The following HACE1 variants were observed in gnomAD, a reference collection of about 807,000 sequenced individuals.
HACE1 encodes the protein HECT domain and ankyrin repeat containing E3 ubiquitin protein ligase 1.
HACE1 carries 73 observed loss-of-function variants against 118.4 expected under a neutral mutation model. That is an observed-to-expected ratio of 0.62 (90% CI 0.51 to 0.75). The LOEUF is 0.75. Ranked by LOEUF, HACE1 falls within the 30% of genes least tolerant of loss-of-function variation. HACE1 has a pLI of 0.00. For missense variants in HACE1, 749 were observed against 1,102.2 expected (o/e 0.68, Z 4.54); for synonymous variants, 368 against 374.8 (o/e 0.98, Z 0.21).
chr6:104,838,696 T>TAAGTAA (rs1420814125), intron 5 of HACE1, among the ~76,000 whole-genome samples: 1 of 151,872 alleles, frequency 6.6e-6, no homozygotes, highest in African/African-American at 2.4e-5. Flanking sequence ...AATTTGCTTT[T>TAAGTAA]AAGTAAAAGC....
intron 22 of HACE1, among the ~76,000 whole-genome samples, chr6:104,735,460 G>A (rs1050861761): frequency 2.6e-5 from 4 of 152,024 alleles, no homozygotes; most frequent in South Asian, 2.1e-4. Context: ...GTGAAACCCC[G>A]CCTCTACTAA....
chr6:104,781,494 T>C (rs1025557220), intron 14 of HACE1, among the ~76,000 whole-genome samples: 5 of 152,224 alleles, frequency 3.3e-5, no homozygotes, highest in African/African-American at 9.6e-5. Context: ...CATGTATCTA[T>C]GTAAATTTAA....
At chr6:104,795,793 T>C in intron 9 of HACE1, 108 bp from the exon 10 acceptor site, 3 of 691,808 alleles carry the variant, frequency 4.3e-6, no homozygotes, top group Non-Finnish European at 7.7e-6. Context: ...CTAAATCAAG[T>C]CCTTTAGTTA....
intron 1 of HACE1, among the ~76,000 whole-genome samples, chr6:104,855,324 T>G (rs544738827): frequency 1.3e-5 from 2 of 152,206 alleles, no homozygotes; most frequent in Non-Finnish European, 2.9e-5. Context: ...GCACCTGTAG[T>G]TCCAGCTACT....
chr6:104,740,594 C>T (rs2114474559), intron 22 of HACE1, among the ~76,000 whole-genome samples: 1 of 151,648 alleles, frequency 6.6e-6, no homozygotes, highest in African/African-American at 2.4e-5. Context: ...CATACACTCT[C>T]CCAAGACTAA....
At chr6:104,737,054 C>G (rs961626888) in intron 22 of HACE1, among the ~76,000 whole-genome samples, 1 of 151,424 alleles carries the variant, frequency 6.6e-6, no homozygotes, top group East Asian at 1.9e-4. Context: ...GAGGCCGAGG[C>G]GGGTGGATCA....
chr6:104,776,808 C>T lies in HACE1; in HGVS notation c.1797G>A (p.Glu599=). The T allele has an allele frequency of 6.2e-7, 1 of 1,607,836 alleles. No individual in the cohort carries two copies. Among genetic ancestry groups the T allele is most frequent in the East Asian group, 2.2e-5 (1 of 44,830 alleles). ...TCTCATTGGACAGAATATCAAACCA[C>T]TCACGCACAACACCTTGACCCTGAA... The part of the protein sequence containing the change: ...EEGMGQGVVR[E]WFDILSNEIV... The change falls in exon 17 of 24, where the codon GAG becomes GAA. Residue 599 remains glutamate (E), a synonymous_variant. Transcript: ENST00000262903.
At chr6:104,734,243 T>C (rs893839969) in intron 22 of HACE1, among the ~76,000 whole-genome samples, 11 of 151,866 alleles carry the variant, frequency 7.2e-5, no homozygotes, top group African/African-American at 2.7e-4. Flanking sequence ...AAAATATTAA[T>C]GTCAATACTA....
rs1184784648 is a variant in HACE1, at chr6:104,728,676, G to C, written c.*986C>G. ...TCGTGTATGCATGTTCCTACTTCCT[G>C]TTCAAACATATGCTGTAACTATTCA... On this transcript the variant is annotated 3_prime_UTR_variant, in exon 24 of 24. Transcript: ENST00000262903. 1 of 152,034 alleles carries C rather than the reference G, an allele frequency of 6.6e-6. No homozygotes were observed. The highest frequency in any genetic ancestry group is 1.5e-5 in the Non-Finnish European group (1 of 67,988). 9.4% of individuals were successfully genotyped at this position (152,034 alleles called of 1,614,324 possible). A position where few individuals can be genotyped will look rare whatever the true frequency, so the allele number is the denominator to read the frequency against.
At chr6:104,821,549 T>C (rs1335047234) in intron 6 of HACE1, among the ~76,000 whole-genome samples, 3 of 152,204 alleles carry the variant, frequency 2.0e-5, no homozygotes, top group Admixed American at 2.0e-4. Context: ...AACACTAATA[T>C]GTACCCAGAC....
chr6:104,782,884 C>A (rs1289047604), intron 14 of HACE1, among the ~76,000 whole-genome samples: 2 of 152,172 alleles, frequency 1.3e-5, no homozygotes, highest in Admixed American at 1.3e-4. Flanking sequence ...ACTAACCAAA[C>A]CATTGCCTAC....
intron 7 of HACE1, among the ~76,000 whole-genome samples, chr6:104,806,967 T>G (rs1330807439): frequency 6.6e-6 from 1 of 152,050 alleles, no homozygotes; most frequent in African/African-American, 2.4e-5. Context: ...AGATCATATT[T>G]TCTAAAGGTC....
intron 6 of HACE1, chr6:104,824,732 T>C (rs1324897957): frequency 2.0e-5 from 3 of 151,948 alleles, no homozygotes; most frequent in Admixed American, 6.6e-5. Context: ...ACTATCAATA[T>C]ACACTCCACT....
chr6:104,755,258 T>C (rs7754948), intron 19 of HACE1, among the ~76,000 whole-genome samples: 31,710 of 151,962 alleles, frequency 0.21, 4,010 homozygotes, highest in African/African-American at 0.37. Flanking sequence ...ACAACCAACA[T>C]AGGAGCACCA....
intron 14 of HACE1, among the ~76,000 whole-genome samples, chr6:104,783,735 C>A (rs879927659): frequency 6.6e-6 from 1 of 152,150 alleles, no homozygotes; most frequent in Non-Finnish European, 1.5e-5. Context: ...AACATGCTGC[C>A]AATGTGATTT....
Position 104,833,120 on chromosome 6 carries a change from C to T in HACE1, c.456G>A (p.Gln152=). Residue 152 remains glutamine, a synonymous_variant, in exon 6 of 24, where the codon CAG becomes CAA. Transcript: ENST00000262903. ...CCTCAACATCAACATCACTGACATGCTGCACAAGGTCATGGAGTAGTTCTG... is the reference window on the plus strand; with the variant it reads ...CCTCAACATCAACATCACTGACATGTTGCACAAGGTCATGGAGTAGTTCTG... The part of the protein sequence containing the change: ...GRTELLHDLV[Q]HVSDVDVEDA... 1 of 1,613,290 alleles carries T rather than the reference C, an allele frequency of 6.2e-7. No individual in the cohort carries two copies.
intron 22 of HACE1, among the ~76,000 whole-genome samples, chr6:104,735,939 T>C (rs528243783): frequency 6.6e-6 from 1 of 152,102 alleles, no homozygotes; most frequent in Non-Finnish European, 1.5e-5. Context: ...TCTATAAATT[T>C]AGTAACATAT....
intron 19 of HACE1, among the ~76,000 whole-genome samples, chr6:104,764,645 A>G (rs757687596): frequency 2.6e-5 from 4 of 152,160 alleles, no homozygotes; most frequent in Non-Finnish European, 5.9e-5. Context: ...CATCATCACT[A>G]TTATCACCAT....
chr6:104,740,757 C>G (rs1330565469), intron 22 of HACE1, among the ~76,000 whole-genome samples: 1 of 141,306 alleles, frequency 7.1e-6, no homozygotes, highest in East Asian at 2.0e-4. Context: ...ACCATTCCTT[C>G]TGAAACTATT....
Sources: allele counts gnomAD v4.1 joint callset (sites outside exome capture counted in the v4.1 genomes callset), GRCh38; gene constraint gnomAD v4.1.1; transcripts MANE v1.5; gene names NCBI Gene and HGNC (gene_info 2026-07-23, HGNC 2026-07-21).